Variants in SYT11 observed in about 807,000 individuals in gnomAD.
SYT11 encodes synaptotagmin 11.
Under a neutral mutation model 30.4 loss-of-function variants are expected in SYT11, and 12 were observed. The observed-to-expected ratio is 0.39, with a 90% confidence interval of 0.25 to 0.64. SYT11 has a LOEUF of 0.64. Among genes scored for constraint, SYT11 ranks in the 30% least tolerant of loss-of-function variants. The pLI is 0.45. For synonymous variants in SYT11, 204 were observed against 216.0 expected (o/e 0.94, Z 0.49); for missense variants, 412 against 552.0 (o/e 0.75, Z 2.54).
chr1:155,871,712 A>G (rs1294481512), intron 2 of SYT11, among the ~76,000 whole-genome samples: 1 of 152,190 alleles, frequency 6.6e-6, no homozygotes, highest in Non-Finnish European at 1.5e-5. Context: ...GCCCTGGAGA[A>G]GGCCCGAGAT....
chr1:155,871,267 C>T (rs1672777158), intron 2 of SYT11, among the ~76,000 whole-genome samples: 1 of 152,152 alleles, frequency 6.6e-6, no homozygotes, highest in Non-Finnish European at 1.5e-5. Context: ...CCTCCCCTGT[C>T]CCATCTTTTT....
At chr1:155,871,070 A>G (rs1037006073) in intron 2 of SYT11, among the ~76,000 whole-genome samples, 3 of 152,198 alleles carry the variant, frequency 2.0e-5, no homozygotes, top group Non-Finnish European at 4.4e-5. Flanking sequence ...TCTGCTAATT[A>G]TAGGAAAACT....
intron 2 of SYT11, among the ~76,000 whole-genome samples, chr1:155,871,972 G>A (rs1347581733): frequency 6.6e-6 from 1 of 152,096 alleles, no homozygotes; most frequent in Non-Finnish European, 1.5e-5. Flanking sequence ...CCTGGACCAT[G>A]CCACACTGGC....
In SYT11 at chr1:155,861,902, G is replaced by T. The variant is rs550724347; in HGVS notation, c.34+2107G>T. On this transcript the variant is annotated intron_variant, in intron 1 of 3. Coordinates refer to ENST00000368324, the MANE Select transcript of SYT11 (RefSeq NM_152280.5). Reference sequence around the variant, plus strand: ...CAAAGTCCTGGGATTACAGGTGTGAGCCACTGCACCTGGCCAATGCTAGGA... The same window carrying T: ...CAAAGTCCTGGGATTACAGGTGTGATCCACTGCACCTGGCCAATGCTAGGA... Among the ~76,000 whole-genome samples, 6 of 152,354 alleles carry T rather than the reference G, an allele frequency of 3.9e-5. No individual in the cohort carries two copies. In the East Asian group the frequency reaches 1.2e-3, roughly 29 times the overall value.
rs556412545 is a variant in SYT11 at position 155,869,928 on chromosome 1, C to T, written c.861+1137C>T. ...ACTCTCCAGCTTACCACTTGCCAGC[C>T]GTGTGACACGGGTGAGTTACTCGAC... On this transcript the variant is annotated intron_variant, in intron 2 of 3. Coordinates refer to ENST00000368324, the MANE Select transcript of SYT11 (RefSeq NM_152280.5). 2.6e-5 allele frequency among the ~76,000 whole-genome samples: 4 copies of T among 152,280 alleles called. No individual in the cohort carries two copies. The South Asian group carries it at 6.2e-4, about 24-fold the overall frequency.
chr1:155,862,177 C>T (rs1672603237), intron 1 of SYT11, among the ~76,000 whole-genome samples: 1 of 152,190 alleles, frequency 6.6e-6, no homozygotes, highest in South Asian at 2.1e-4. Flanking sequence ...ATTTCAAATG[C>T]CACAGCACTT....
intron 2 of SYT11, among the ~76,000 whole-genome samples, chr1:155,876,372 A>G (rs1672861323): frequency 6.7e-6 from 1 of 148,560 alleles, no homozygotes; most frequent in Non-Finnish European, 1.5e-5. Flanking sequence ...CAGCCTCCCC[A>G]GTAGCTGGGA....
chr1:155,868,519 T>C lies in SYT11; in HGVS notation c.589T>C (p.Tyr197His). The change falls in exon 2 of 4, where the codon TAC (tyrosine) becomes CAC (histidine). Residue 197 changes from tyrosine (Y) to histidine (H), a missense_variant. Tyr to His is a moderately conservative substitution (Grantham distance 83). Coordinates refer to ENST00000368324, the MANE Select transcript of SYT11 (RefSeq NM_152280.5). This position sits in a 1 kb window ranked among gnomAD's most constrained non-coding sequence, Gnocchi z 4.7. ...MDDQTQGSDP[Y>H]IKMTILPDKR... Reference sequence around the variant, plus strand: ...TGACCAGACCCAGGGATCTGACCCCTACATCAAAATGACCATCCTTCCTGA... The same window carrying C: ...TGACCAGACCCAGGGATCTGACCCCCACATCAAAATGACCATCCTTCCTGA... 3.1e-6 allele frequency: 5 copies of C among 1,614,108 alleles called. No individual in the cohort carries two copies. The highest frequency in any genetic ancestry group is 3.4e-6 in the Non-Finnish European group (4 of 1,180,004).
rs139650662 is a variant in SYT11, at chr1:155,861,999, G to A, written c.34+2204G>A. 9.8e-4 allele frequency among the ~76,000 whole-genome samples: 150 copies of A among 152,296 alleles called. 1 individual carries two copies. In the South Asian group the frequency reaches 0.016, roughly 17 times the overall value. ...GTATTATATTTGTCTACTTGACTGC[G>A]AAAAGCTATGTTTAGGAAAGGGGGT... On this transcript the variant is annotated intron_variant, in intron 1 of 3. Coordinates refer to ENST00000368324, the MANE Select transcript of SYT11 (RefSeq NM_152280.5).
chr1:155,866,983 CACACACACAT>C (rs1173456518), intron 1 of SYT11, among the ~76,000 whole-genome samples: 2 of 102,184 alleles, frequency 2.0e-5, no homozygotes, highest in Non-Finnish European at 5.1e-5. Flanking sequence ...CACACACACA[CACACACACAT>C]ATATATATAT....
In SYT11 at chr1:155,863,348, G is replaced by A. The variant is rs76826017; in HGVS notation, c.34+3553G>A. 2.3e-3 allele frequency among the ~76,000 whole-genome samples: 344 copies of A among 152,190 alleles called. 3 individuals carry two copies. The highest frequency in any genetic ancestry group is 3.6e-3 in the Non-Finnish European group (245 of 68,024). Reference sequence around the variant, plus strand: ...TGGTCCTGTAGTCCCAGCTATTCAGGAGTCTAGGGTAGTAAGATTGCTTGA... The same window carrying A: ...TGGTCCTGTAGTCCCAGCTATTCAGAAGTCTAGGGTAGTAAGATTGCTTGA... On this transcript the variant is annotated intron_variant, in intron 1 of 3. Transcript: ENST00000368324.
intron 1 of SYT11, among the ~76,000 whole-genome samples, chr1:155,866,403 C>T (rs975078761): frequency 6.6e-6 from 1 of 152,146 alleles, no homozygotes; most frequent in African/African-American, 2.4e-5. Flanking sequence ...AGGCGTGAGC[C>T]GCCACACCCG....
chr1:155,866,993 TA>T (rs1672690913), intron 1 of SYT11, among the ~76,000 whole-genome samples: 1 of 77,066 alleles, frequency 1.3e-5, no homozygotes, highest in African/African-American at 3.8e-5. Flanking sequence ...CACACACACA[TA>T]TATATATATA....
intron 1 of SYT11, among the ~76,000 whole-genome samples, chr1:155,864,501 TG>T (rs768726071): frequency 2.6e-5 from 4 of 152,060 alleles, no homozygotes; most frequent in Non-Finnish European, 5.9e-5. Flanking sequence ...GAAAAAGCCA[TG>T]GATTGGTTGG....
intron 1 of SYT11, among the ~76,000 whole-genome samples, chr1:155,865,247 T>C (rs968125699): frequency 1.1e-4 from 16 of 152,300 alleles, no homozygotes; most frequent in Non-Finnish European, 7.4e-5. Context: ...ATTATCTTAC[T>C]TGGGGCAGAC....
At chr1:155,874,718 G>A (rs1337985839) in intron 2 of SYT11, among the ~76,000 whole-genome samples, 3 of 149,282 alleles carry the variant, frequency 2.0e-5, no homozygotes, top group South Asian at 2.1e-4. Context: ...GTGAAACCCC[G>A]TCTCTACTAA....
At chr1:155,861,184 G>C (rs1672581379) in intron 1 of SYT11, among the ~76,000 whole-genome samples, 1 of 152,138 alleles carries the variant, frequency 6.6e-6, no homozygotes, top group Non-Finnish European at 1.5e-5. Flanking sequence ...TTAACTACTT[G>C]TTCTCACTTA....
Position 155,860,565 on chromosome 1 carries a change from G to A in SYT11, c.34+770G>A, listed in dbSNP as rs1189451565. On this transcript the variant is annotated intron_variant, in intron 1 of 3. Coordinates refer to ENST00000368324, the MANE Select transcript of SYT11 (RefSeq NM_152280.5). The surrounding 1 kb of genome is among the most constrained non-coding windows in gnomAD (Gnocchi z 4.1). ...TCCCTGGGCCGCCTTTTCAAAAAGG[G>A]GGACTGACCAGCGTTGATGCTGGCG... is the stretch of plus-strand genomic sequence containing the variant. Among the ~76,000 whole-genome samples the A allele has an allele frequency of 1.3e-5, 2 of 152,172 alleles. No homozygotes were observed. The highest frequency in any genetic ancestry group is 4.8e-5 in the African/African-American group (2 of 41,438).
intron 2 of SYT11, among the ~76,000 whole-genome samples, chr1:155,875,325 A>G (rs1294332848): frequency 6.6e-6 from 1 of 151,984 alleles, no homozygotes; most frequent in Non-Finnish European, 1.5e-5. Context: ...TCTAGCAGAG[A>G]AAAAACATGA....
Sources: allele counts gnomAD v4.1 joint callset (sites outside exome capture counted in the v4.1 genomes callset), GRCh38; gene constraint gnomAD v4.1.1; non-coding constraint Gnocchi (gnomAD v3.1); transcripts MANE v1.5; gene names NCBI Gene and HGNC (gene_info 2026-07-23, HGNC 2026-07-21).